Variants in PLCB4 observed in about 807,000 individuals in gnomAD.
The protein encoded by PLCB4 is 1-phosphatidylinositol 4,5-bisphosphate phosphodiesterase beta-4.
A neutral mutation model predicts 178.8 loss-of-function variants in PLCB4; 77 were observed. The ratio of observed to expected loss-of-function variants is 0.43; its 90% CI spans 0.36 to 0.52. PLCB4 has a LOEUF of 0.52. Ranked by LOEUF, PLCB4 falls within the 20% of genes least tolerant of loss-of-function variation. PLCB4 has a pLI of 0.00. For missense variants in PLCB4, 1,024 were observed against 1,453.4 expected, an observed-to-expected ratio of 0.70 and a Z score of 4.80; for synonymous variants, 496 against 490.8, an observed-to-expected ratio of 1.01 and a Z score of -0.14.
At chr20:9,309,867 G>T (rs983641610) in intron 4 of PLCB4, among the ~76,000 whole-genome samples, 3 of 152,054 alleles carry the variant, frequency 2.0e-5, no homozygotes, top group Non-Finnish European at 2.9e-5. Context: ...GATCACCTGT[G>T]CTTCTAAAGG....
rs73609460 is a variant in PLCB4 at position 9,339,667 on chromosome 20, G to A, written c.369+630G>A. Among the ~76,000 whole-genome samples, 764 of 152,198 alleles carry A rather than the reference G, an allele frequency of 5.0e-3. 8 individuals are homozygous for A. The highest frequency in any genetic ancestry group is 0.018 in the African/African-American group (732 of 41,530). ...TCATACTAAGTCTTAGAAATCTGAT[G>A]TGTATTTTCAAATCAGACTAACCAC... On this transcript the variant is annotated intron_variant, in intron 7 of 39. Coordinates refer to ENST00000378473, the MANE Select transcript of PLCB4 (RefSeq NM_001377142.1).
chr20:9,074,979 C>G (rs970866279), intron 1 of PLCB4, among the ~76,000 whole-genome samples: 2 of 152,136 alleles, frequency 1.3e-5, no homozygotes, highest in African/African-American at 4.8e-5. Context: ...CTCAACTTCT[C>G]TGCTTTACAT....
intron 3 of PLCB4, among the ~76,000 whole-genome samples, chr20:9,268,513 T>C (rs2094371084): frequency 6.6e-6 from 1 of 152,190 alleles, no homozygotes; most frequent in African/African-American, 2.4e-5. Flanking sequence ...GATTATTCCA[T>C]CTCCAGCTGT....
chr20:9,090,501 AT>A (rs2090630454), intron 1 of PLCB4, among the ~76,000 whole-genome samples: 1 of 139,870 alleles, frequency 7.1e-6, no homozygotes, highest in African/African-American at 2.7e-5. Flanking sequence ...CTTCTAACAC[AT>A]TTTTAGTGTG....
intron 2 of PLCB4, among the ~76,000 whole-genome samples, chr20:9,118,351 G>T (rs1054861148): frequency 6.8e-6 from 1 of 147,460 alleles, no homozygotes; most frequent in East Asian, 2.0e-4. Context: ...ACAGAGCAAC[G>T]GTAAGTGCAA....
chr20:9,203,145 TCTTGTAAGCTGTA>T (rs1462800339), intron 2 of PLCB4, among the ~76,000 whole-genome samples: 1 of 151,128 alleles, frequency 6.6e-6, no homozygotes, highest in Non-Finnish European at 1.5e-5. Flanking sequence ...ATTTGGGGGT[TCTTGTAAGCTGTA>T]CTTACTCTTC....
chr20:9,165,184 A>C (rs1483072993), intron 2 of PLCB4, among the ~76,000 whole-genome samples: 2 of 152,208 alleles, frequency 1.3e-5, no homozygotes, highest in Non-Finnish European at 2.9e-5. Flanking sequence ...CAAAAAGTCC[A>C]GCTTCTCGAG....
intron 2 of PLCB4, among the ~76,000 whole-genome samples, chr20:9,176,712 C>A (rs1027516460): frequency 1.1e-4 from 17 of 152,078 alleles, no homozygotes; most frequent in Admixed American, 2.6e-4. Flanking sequence ...ATACACAAAA[C>A]CCTTAAACTA....
At chr20:9,112,732 C>G (rs1224057512) in intron 2 of PLCB4, among the ~76,000 whole-genome samples, 2 of 152,104 alleles carry the variant, frequency 1.3e-5, no homozygotes, top group Non-Finnish European at 2.9e-5. Context: ...AATTCCTGGG[C>G]AAGTGCATGG....
At chr20:9,404,634 A>C (rs1480650098) in intron 20 of PLCB4, among the ~76,000 whole-genome samples, 2 of 151,924 alleles carry the variant, frequency 1.3e-5, no homozygotes, top group Admixed American at 1.3e-4. Context: ...AAGTTGCTAA[A>C]GCCTTCATCA....
chr20:9,181,177 C>T (rs904107033), intron 2 of PLCB4, among the ~76,000 whole-genome samples: 2 of 152,186 alleles, frequency 1.3e-5, no homozygotes, highest in African/African-American at 2.4e-5. Context: ...CCACCCTCCT[C>T]ACTAACATTC....
chr20:9,402,245 C>A (rs6056597), intron 20 of PLCB4, among the ~76,000 whole-genome samples: 69,034 of 152,068 alleles, frequency 0.45, 18,564 homozygotes, highest in African/African-American at 0.77. Context: ...CATAAACACG[C>A]ATGCTGAAGA....
intron 3 of PLCB4, among the ~76,000 whole-genome samples, chr20:9,232,527 T>C (rs985731801): frequency 8.5e-5 from 13 of 152,144 alleles, no homozygotes; most frequent in Non-Finnish European, 1.5e-4. Context: ...ACCTGGCTCC[T>C]GTGACTAAGC....
chr20:9,189,004 T>C (rs33916799), intron 2 of PLCB4, among the ~76,000 whole-genome samples: 4 of 18,354 alleles, frequency 2.2e-4, no homozygotes, highest in Non-Finnish European at 8.9e-5. Flanking sequence ...GGCTGTCATA[T>C]AGTGACATTC....
chr20:9,446,320 G>C (rs988009451), intron 32 of PLCB4, among the ~76,000 whole-genome samples: 4 of 152,180 alleles, frequency 2.6e-5, no homozygotes, highest in African/African-American at 9.7e-5. Flanking sequence ...TCACTAAGTG[G>C]ACAAGTTCCC....
At chr20:9,187,566 A>G (rs2093346374) in intron 2 of PLCB4, among the ~76,000 whole-genome samples, 2 of 152,168 alleles carry the variant, frequency 1.3e-5, no homozygotes, top group African/African-American at 4.8e-5. Context: ...TTTGCTGTGT[A>G]TGGGTTCAGT....
intron 1 of PLCB4, among the ~76,000 whole-genome samples, chr20:9,092,298 A>G (rs1440849555): frequency 1.6e-4 from 24 of 152,136 alleles, no homozygotes; most frequent in Admixed American, 1.5e-3. Flanking sequence ...TGCATTGTTA[A>G]TATCAGAATG....
intron 1 of PLCB4, among the ~76,000 whole-genome samples, chr20:9,076,424 A>AT (rs1353805236): frequency 6.6e-6 from 1 of 152,178 alleles, no homozygotes; most frequent in African/African-American, 2.4e-5. Flanking sequence ...CCGAGATCAC[A>AT]TAACTGCACT....
At chr20:9,459,540 G>A in intron 34 of PLCB4, 95 bp from the exon 35 acceptor site, 1 of 798,192 alleles carries the variant, frequency 1.3e-6, no homozygotes. Flanking sequence ...TTAAGTTGGT[G>A]GGAGGAACCT....
Sources: gnomAD v4.1 joint callset for allele counts (sites outside exome capture counted in the v4.1 genomes callset) on GRCh38, gnomAD v4.1.1 for gene constraint, MANE v1.5 for transcripts, NCBI Gene and HGNC (gene_info 2026-07-23, HGNC 2026-07-21) for gene names.